TPTE2: variants seen among roughly 807,000 people sequenced by gnomAD.
TPTE2 encodes phosphatidylinositol 3,4,5-trisphosphate 3-phosphatase TPTE2.
Under a neutral mutation model 78.6 loss-of-function variants are expected in TPTE2, and 53 were observed. That is an observed-to-expected ratio of 0.67 (90% CI 0.54 to 0.85). The LOEUF (loss-of-function observed/expected upper bound fraction) is 0.85. Among genes scored for constraint, TPTE2 ranks in the 40% least tolerant of loss-of-function variants. TPTE2 has a pLI of 0.00. For synonymous variants in TPTE2, 175 were observed against 206.2 expected, an observed-to-expected ratio of 0.85 and a Z score of 1.30; for missense variants, 461 against 623.0, an observed-to-expected ratio of 0.74 and a Z score of 2.77.
At chr13:19,550,738 A>G in the TPTE2 span, among the ~76,000 whole-genome samples, 1 of 152,282 alleles carries the variant, frequency 6.6e-6, no homozygotes, top group South Asian at 2.1e-4. Context: ...ACTCTCCTGA[A>G]TAAAGTCACA....
chr13:19,498,496 A>G (rs1171308598), intron 1 of TPTE2, among the ~76,000 whole-genome samples: 2 of 152,128 alleles, frequency 1.3e-5, no homozygotes, highest in Non-Finnish European at 2.9e-5. Flanking sequence ...CCAATATTCA[A>G]CATTCTTAAA....
chr13:19,497,151 G>A (rs1291087270), intron 1 of TPTE2, among the ~76,000 whole-genome samples: 1 of 151,826 alleles, frequency 6.6e-6, no homozygotes, highest in South Asian at 2.1e-4. Context: ...AGGGTCCTAC[G>A]CCCACGGAGT....
At chr13:19,425,910 C>A in intron 18 of TPTE2, 2 of 433,920 alleles carry the variant, frequency 4.6e-6, no homozygotes, top group Admixed American at 4.9e-5. Flanking sequence ...CCAACTGAGT[C>A]ACCCAAACCT....
chr13:19,501,273 C>A (rs367729393), intron 1 of TPTE2, among the ~76,000 whole-genome samples: 2 of 74,840 alleles, frequency 2.7e-5, no homozygotes, highest in Non-Finnish European at 5.4e-5. Flanking sequence ...GCTACCAATG[C>A]CTTTCTTCAC....
chr13:19,514,592 A>AGTGTGTGTGTGT (rs151110694), intron 1 of TPTE2, among the ~76,000 whole-genome samples: 7,941 of 126,742 alleles, frequency 0.063, 523 homozygotes, highest in East Asian at 0.1. Flanking sequence ...TACTTCTGAG[A>AGTGTGTGTGTGT]GTGTGTGTGT....
At chr13:19,436,790 T>C (rs1877122991) in intron 14 of TPTE2, among the ~76,000 whole-genome samples, 1 of 152,130 alleles carries the variant, frequency 6.6e-6, no homozygotes, top group Non-Finnish European at 1.5e-5. Flanking sequence ...CATACATTCA[T>C]AAAATTTTAG....
intron 1 of TPTE2, among the ~76,000 whole-genome samples, chr13:19,509,823 T>G (rs1438353369): frequency 1.3e-5 from 2 of 152,154 alleles, no homozygotes; most frequent in African/African-American, 4.8e-5. Flanking sequence ...TGTAGATATA[T>G]GTCATTGATG....
At chr13:19,560,887 G>A in the TPTE2 span, 2 of 1,575,476 alleles carry the variant, frequency 1.3e-6, no homozygotes, top group South Asian at 1.1e-5. Context: ...GTCTCCGCTT[G>A]GTGATCTCAC....
rs776346040 is a variant in TPTE2 at position 19,439,511 on chromosome 13, C to G, written c.974-1358G>C. 2.8e-3 allele frequency among the ~76,000 whole-genome samples: 420 copies of G among 152,296 alleles called. 1 individual carries two copies. Among genetic ancestry groups the G allele is most frequent in the Non-Finnish European group, 5.2e-3 (357 of 68,020 alleles). ...TTACACAAATTAGAAGTGCTAGCAT[C>G]TCCAGATAAGAAGGACCCATGCAAG... On this transcript the variant is annotated intron_variant, in intron 13 of 19. Coordinates refer to ENST00000400230, the Ensembl canonical transcript of TPTE2.
At chr13:19,457,327 G>A (rs1166998897) in intron 10 of TPTE2, among the ~76,000 whole-genome samples, 5 of 152,126 alleles carry the variant, frequency 3.3e-5, no homozygotes, top group Admixed American at 6.5e-5. Context: ...TAATGTATAC[G>A]TATGTACATC....
chr13:19,539,437 C>T (rs1333848896), upstream of TPTE2, among the ~76,000 whole-genome samples: 1 of 152,164 alleles, frequency 6.6e-6, no homozygotes, highest in African/African-American at 2.4e-5. Flanking sequence ...TCTTGCCTGC[C>T]ACTGTGTAAG....
At chr13:19,450,797 C>T (rs945249855) in intron 11 of TPTE2, among the ~76,000 whole-genome samples, 6 of 152,186 alleles carry the variant, frequency 3.9e-5, no homozygotes, top group African/African-American at 1.4e-4. Context: ...GCTCTCATCA[C>T]ATGCCACTGC....
chr13:19,428,076 T>C (rs1320312191), intron 17 of TPTE2, among the ~76,000 whole-genome samples: 3 of 152,170 alleles, frequency 2.0e-5, no homozygotes, highest in Admixed American at 2.0e-4. Context: ...TGAAGCAGTT[T>C]AGATAAAGGA....
chr13:19,550,326 T>C, the TPTE2 span, among the ~76,000 whole-genome samples: 1 of 152,196 alleles, frequency 6.6e-6, no homozygotes, highest in Non-Finnish European at 1.5e-5. Context: ...CACTCATAAT[T>C]TTGATGCTCT....
At chr13:19,444,028 G>T (rs936184878) in intron 13 of TPTE2, among the ~76,000 whole-genome samples, 1 of 152,022 alleles carries the variant, frequency 6.6e-6, no homozygotes, top group Non-Finnish European at 1.5e-5. Flanking sequence ...GCTGGGCACG[G>T]TGGCTCAGAC....
the TPTE2 span, among the ~76,000 whole-genome samples, chr13:19,542,342 C>T: frequency 6.6e-6 from 1 of 152,120 alleles, no homozygotes; most frequent in South Asian, 2.1e-4. Context: ...CTCAGGGTCT[C>T]ACAAGGCTGT....
the TPTE2 span, among the ~76,000 whole-genome samples, chr13:19,542,506 G>A: frequency 6.6e-6 from 1 of 151,964 alleles, no homozygotes; most frequent in South Asian, 2.1e-4. Flanking sequence ...CTTTACCTTA[G>A]ACATTTCATT....
the TPTE2 span, chr13:19,561,090 C>T: frequency 4.4e-3 from 7,069 of 1,591,170 alleles, 43 homozygotes; most frequent in Non-Finnish European, 5.2e-3. Context: ...CCAGCCCCCT[C>T]CCCATCCTCC....
chr13:19,560,598 A>G, the TPTE2 span: 1 of 1,601,726 alleles, frequency 6.2e-7, no homozygotes, highest in Non-Finnish European at 8.5e-7. Flanking sequence ...CAAAGAGGTC[A>G]CAGAGGGTAG....
Sources: allele counts gnomAD v4.1 joint callset (sites outside exome capture counted in the v4.1 genomes callset), GRCh38; gene constraint gnomAD v4.1.1; transcripts MANE v1.5; gene names NCBI Gene and HGNC (gene_info 2026-07-23, HGNC 2026-07-21).